AXDND1: variants seen among roughly 807,000 people sequenced by gnomAD.
The protein encoded by AXDND1 is axonemal dynein light chain domain containing 1.
Under a neutral mutation model 137.5 loss-of-function variants are expected in AXDND1, and 110 were observed. The observed-to-expected ratio is 0.80, with a 90% CI of 0.69 to 0.94. The LOEUF (loss-of-function observed/expected upper bound fraction) is 0.94, where lower values mean the gene tolerates loss of function less well. Among genes scored for constraint, AXDND1 ranks in the 40% least tolerant of loss-of-function variants. The pLI, the probability that AXDND1 is intolerant of heterozygous loss-of-function variation, is 0.00. For synonymous variants in AXDND1, 414 were observed against 399.7 expected (o/e 1.04, Z -0.43); for missense variants, 1,191 against 1,169.8 (o/e 1.02, Z -0.26).
In AXDND1 at chr1:179,487,182, A is replaced by AACAG. The variant is rs1666175436; in HGVS notation, c.2091+3965_2091+3968dup. On this transcript the variant is annotated intron_variant, in intron 18 of 25. Transcript: ENST00000367618. ...GAGTTGCTATTCTAATTTCAGAAAAAACAGACATTTATTTTCCCTCCTGAT... is the reference window on the plus strand; with the variant it reads ...GAGTTGCTATTCTAATTTCAGAAAAAACAGACAGACATTTATTTTCCCTCCTGAT... Among the ~76,000 whole-genome samples, 2 of 148,584 alleles carry AACAG rather than the reference A, an allele frequency of 1.3e-5. 1 individual carries two copies. The highest frequency in any genetic ancestry group is 3.0e-5 in the Non-Finnish European group (2 of 67,394).
chr1:179,486,138 A>AC lies in AXDND1; in HGVS notation c.2091+2917_2091+2918insC, dbSNP rs1558252678. ...CTGTCTCAAAAAAAAAAAAAAAAAAAAAACCTGATAGAAATGAAAAACACA... is the reference window on the plus strand; with the variant it reads ...CTGTCTCAAAAAAAAAAAAAAAAAAACAAACCTGATAGAAATGAAAAACACA... On this transcript the variant is annotated intron_variant, in intron 18 of 25. Coordinates refer to ENST00000367618, the MANE Select transcript of AXDND1 (RefSeq NM_144696.6). 3.7e-3 allele frequency among the ~76,000 whole-genome samples: 210 copies of AC among 57,414 alleles called. 11 individuals are homozygous for AC. The highest frequency in any genetic ancestry group is 9.6e-3 in the African/African-American group (175 of 18,196). 37.7% of individuals were successfully genotyped at this position (57,414 alleles called of 152,430 possible). A position where few individuals can be genotyped will look rare whatever the true frequency, so the allele number is the denominator to read the frequency against.
intron 20 of AXDND1, among the ~76,000 whole-genome samples, chr1:179,500,072 C>T (rs1572092921): frequency 6.6e-6 from 1 of 151,884 alleles, no homozygotes; most frequent in Admixed American, 6.6e-5. Context: ...TACAAAAACG[C>T]AAAAGGGATT....
chr1:179,386,888 C>G (rs1649309001), intron 9 of AXDND1, among the ~76,000 whole-genome samples: 1 of 151,884 alleles, frequency 6.6e-6, no homozygotes, highest in Non-Finnish European at 1.5e-5. Context: ...CCACACCCAG[C>G]TAATTTTTTT....
chr1:179,448,937 A>C (rs1473669484), intron 16 of AXDND1: 1 of 228,806 alleles, frequency 4.4e-6, no homozygotes, highest in Non-Finnish European at 8.9e-6. Context: ...TGTAGGGTGG[A>C]GTGCAGTGGC....
chr1:179,392,399 A>G (rs944473313), intron 9 of AXDND1, among the ~76,000 whole-genome samples: 1 of 152,160 alleles, frequency 6.6e-6, no homozygotes, highest in Non-Finnish European at 1.5e-5. Flanking sequence ...GGTTGGTTCC[A>G]TATTTTTGCA....
intron 15 of AXDND1, among the ~76,000 whole-genome samples, chr1:179,436,343 A>G (rs1401386642): frequency 2.6e-5 from 4 of 152,216 alleles, no homozygotes; most frequent in East Asian, 1.9e-4. Context: ...ATTACTGGGT[A>G]TATACCCAAA....
chr1:179,400,904 C>CAAAAAAAA (rs151090012), intron 11 of AXDND1, among the ~76,000 whole-genome samples: 5 of 53,666 alleles, frequency 9.3e-5, no homozygotes, highest in African/African-American at 1.6e-4. Context: ...GACTCTGTCT[C>CAAAAAAAA]AAAAAAAAAA....
chr1:179,379,357 A>G, intron 5 of AXDND1, 40 bp from the exon 6 acceptor site: 9 of 1,589,610 alleles, frequency 5.7e-6, no homozygotes, highest in Non-Finnish European at 7.7e-6. Flanking sequence ...TTCTCTATTA[A>G]TATATTCATT....
At chr1:179,446,744 A>G (rs1341681825) in intron 16 of AXDND1, among the ~76,000 whole-genome samples, 1 of 151,530 alleles carries the variant, frequency 6.6e-6, no homozygotes, top group African/African-American at 2.4e-5. Context: ...TGTTCTGAAT[A>G]CAAGTCCCTT....
At chr1:179,390,044 T>G (rs1649901426) in intron 9 of AXDND1, among the ~76,000 whole-genome samples, 1 of 151,820 alleles carries the variant, frequency 6.6e-6, no homozygotes, top group South Asian at 2.1e-4. Context: ...AAGACAGTCT[T>G]GCTCTGTCAC....
At chr1:179,506,701 G>C (rs921340902) in intron 20 of AXDND1, 2 of 218,584 alleles carry the variant, frequency 9.1e-6, no homozygotes, top group Admixed American at 1.3e-4. Context: ...CTGCACTCTA[G>C]CCTGGGCGAC....
At chr1:179,452,387 T>C (rs916184754) in intron 16 of AXDND1, 19 of 152,212 alleles carry the variant, frequency 1.2e-4, no homozygotes, top group African/African-American at 4.6e-4. Context: ...AGCCTGACAA[T>C]GCGATAGAAA....
chr1:179,512,126 G>A (rs1207247441), intron 21 of AXDND1, among the ~76,000 whole-genome samples: 1 of 152,186 alleles, frequency 6.6e-6, no homozygotes, highest in Non-Finnish European at 1.5e-5. Context: ...TCTTGGTCAT[G>A]AAATCTTTGC....
rs1657143742 is a variant in AXDND1, at chr1:179,430,037, A to G, written c.1333-415A>G. Among the ~76,000 whole-genome samples, 11 of 151,020 alleles carry G rather than the reference A, an allele frequency of 7.3e-5. No homozygotes were observed. In the Admixed American group the frequency reaches 7.3e-4, roughly 10 times the overall value. On this transcript the variant is annotated intron_variant, in intron 13 of 25. Coordinates refer to ENST00000367618, the MANE Select transcript of AXDND1 (RefSeq NM_144696.6). ...GTCATTTCATTTAACTCTTAAGACA[A>G]TTCTGTGAGATAGATATTAGGGTCT...
At position 179,367,618 on chromosome 1, in the gene AXDND1, TC is replaced by T. The variant is rs1365455751; in HGVS notation, c.97+1015del. Among the ~76,000 whole-genome samples the T allele has an allele frequency of 3.3e-5, 5 of 152,114 alleles. No individual in the cohort carries two copies. In the East Asian group the frequency reaches 9.7e-4, roughly 29 times the overall value. On this transcript the variant is annotated intron_variant, in intron 2 of 25. Coordinates refer to ENST00000367618, the MANE Select transcript of AXDND1 (RefSeq NM_144696.6). ...CTGGTGTGGTGGCACTCGCCTGTAA[TC>T]CCAGCTACTCGGCAGGCTGAGGCAG...
At chr1:179,419,229 G>A (rs1482078304) in intron 12 of AXDND1, among the ~76,000 whole-genome samples, 1 of 151,936 alleles carries the variant, frequency 6.6e-6, no homozygotes, top group African/African-American at 2.4e-5. Context: ...GCCGGGCAGA[G>A]GCTGCAATCT....
intron 19 of AXDND1, among the ~76,000 whole-genome samples, chr1:179,491,946 A>AGT (rs1666948326): frequency 1.3e-5 from 2 of 152,306 alleles, no homozygotes; most frequent in Middle Eastern, 6.8e-3. Flanking sequence ...CAGGATGAGA[A>AGT]GTGTGTGTAT....
intron 20 of AXDND1, among the ~76,000 whole-genome samples, chr1:179,501,173 T>A (rs956330005): frequency 6.6e-6 from 1 of 152,130 alleles, no homozygotes; most frequent in Non-Finnish European, 1.5e-5. Flanking sequence ...CTTGACAAAC[T>A]GTCTCTAAAA....
At chr1:179,533,626 CTTTTT>C (rs66461504) in intron 23 of AXDND1, among the ~76,000 whole-genome samples, 164 bp from the exon 24 acceptor site, 2 of 136,234 alleles carry the variant, frequency 1.5e-5, no homozygotes, top group Admixed American at 7.3e-5. Context: ...GAGACAATCC[CTTTTT>C]TTTTTTTTTT....
Sources: allele counts gnomAD v4.1 joint callset (sites outside exome capture counted in the v4.1 genomes callset), GRCh38; gene constraint gnomAD v4.1.1; transcripts MANE v1.5; gene names NCBI Gene and HGNC (gene_info 2026-07-23, HGNC 2026-07-21).